Variants in SH3PXD2A observed in about 807,000 individuals in gnomAD.
SH3PXD2A encodes SH3 and PX domains 2A.
Under a neutral mutation model 115.2 loss-of-function variants are expected in SH3PXD2A, and 32 were observed. That is an observed-to-expected ratio of 0.28 (90% CI 0.21 to 0.37). The LOEUF is 0.37. SH3PXD2A is among the 10% of genes least tolerant of loss of function. SH3PXD2A has a pLI of 1.00. For missense variants in SH3PXD2A, 1,328 were observed against 1,498.7 expected (o/e 0.89, Z 1.88); for synonymous variants, 610 against 629.1 (o/e 0.97, Z 0.45).
chr10:103,823,658 A>G (rs1021104208), intron 1 of SH3PXD2A, among the ~76,000 whole-genome samples: 7 of 152,184 alleles, frequency 4.6e-5, no homozygotes, highest in Admixed American at 3.9e-4. Flanking sequence ...CACAGCTGGG[A>G]TGTATTAACA....
chr10:103,801,340 CA>C lies in SH3PXD2A; in HGVS notation c.94del (p.Trp32GlyfsTer58). Reference sequence around the variant, plus strand: ...GATAGTCTGGGAGGTGGAGTCAGACCAGGTCACATTGATTATGTATACCTGT... The same window carrying C: ...GATAGTCTGGGAGGTGGAGTCAGACCGGTCACATTGATTATGTATACCTGT... ...KHYVYIINVT[W>X]SDSTSQTIYR... is the part of the protein sequence containing the mutation. On this transcript the variant is annotated frameshift_variant, in exon 2 of 15. Transcript: ENST00000369774. LOFTEE classifies it high-confidence loss of function. 6.2e-7 allele frequency: 1 copy of C among 1,610,798 alleles called. No individual in the cohort carries two copies. The highest frequency in any genetic ancestry group is 8.5e-7 in the Non-Finnish European group (1 of 1,177,030).
At chr10:103,797,721 G>GGTGGGGAGT (rs2039106070) in intron 2 of SH3PXD2A, among the ~76,000 whole-genome samples, 1 of 151,432 alleles carries the variant, frequency 6.6e-6, no homozygotes, top group Non-Finnish European at 1.5e-5. Context: ...TCTGGGAGGG[G>GGTGGGGAGT]GTGGGGAGTG....
At chr10:103,846,230 G>A (rs980423871) in intron 1 of SH3PXD2A, among the ~76,000 whole-genome samples, 6 of 152,240 alleles carry the variant, frequency 3.9e-5, no homozygotes, top group African/African-American at 1.2e-4. Context: ...CCAGTGGAGT[G>A]GCAGAAACCA....
Position 103,665,480 on chromosome 10 carries a change from G to C in SH3PXD2A, c.472+3128C>G, listed in dbSNP as rs2037372255. Among the ~76,000 whole-genome samples, 2 of 152,202 alleles carry C rather than the reference G, an allele frequency of 1.3e-5. No individual in the cohort carries two copies. Among genetic ancestry groups the C allele is most frequent in the African/African-American group, 4.8e-5 (2 of 41,440 alleles). On this transcript the variant is annotated intron_variant, in intron 7 of 14. Transcript: ENST00000369774. The surrounding 1 kb of genome is among the most constrained non-coding windows in gnomAD (Gnocchi z 4.0). ...TCTAGGCATTGGAAAGCACAGACAG[G>C]CTATGGCCTCTCTCAGGAGCTGCTC... is the stretch of plus-strand genomic sequence containing the variant.
At chr10:103,744,776 G>A (rs1203187988) in intron 3 of SH3PXD2A, among the ~76,000 whole-genome samples, 2 of 152,220 alleles carry the variant, frequency 1.3e-5, no homozygotes, top group Admixed American at 1.3e-4. Flanking sequence ...GCGAAGGTCA[G>A]CAGCCTGAGG....
intron 8 of SH3PXD2A, among the ~76,000 whole-genome samples, chr10:103,652,924 C>T (rs1383194402): frequency 2.6e-5 from 4 of 152,152 alleles, no homozygotes; most frequent in Admixed American, 6.5e-5. Context: ...CTCCTTGGCC[C>T]GGCACCCGTC....
chr10:103,653,269 C>A (rs1465064879), intron 8 of SH3PXD2A, among the ~76,000 whole-genome samples: 3 of 152,224 alleles, frequency 2.0e-5, no homozygotes, highest in African/African-American at 4.8e-5. Flanking sequence ...GACCGACCAG[C>A]CATCGGAAGA....
At chr10:103,643,495 G>GA (rs1308074053) in intron 8 of SH3PXD2A, among the ~76,000 whole-genome samples, 1 of 152,160 alleles carries the variant, frequency 6.6e-6, no homozygotes, top group East Asian at 1.9e-4. Flanking sequence ...GGAGATTCCG[G>GA]AAAAACACAT....
At chr10:103,653,847 G>A (rs1170266954) in intron 8 of SH3PXD2A, among the ~76,000 whole-genome samples, 2 of 152,104 alleles carry the variant, frequency 1.3e-5, no homozygotes, top group East Asian at 1.9e-4. Context: ...ACAGCCCGGA[G>A]GGCTTGCCTC....
chr10:103,714,983 C>T (rs1167692385), intron 5 of SH3PXD2A, among the ~76,000 whole-genome samples: 1 of 152,168 alleles, frequency 6.6e-6, no homozygotes, highest in Non-Finnish European at 1.5e-5. Flanking sequence ...CAGCCTCGCT[C>T]CACAGGCAGC....
chr10:103,727,047 A>T (rs866951074), intron 4 of SH3PXD2A, among the ~76,000 whole-genome samples: 1 of 152,174 alleles, frequency 6.6e-6, no homozygotes, highest in South Asian at 2.1e-4. Flanking sequence ...TCCACCAAAC[A>T]GTGAGGGCTT....
In SH3PXD2A at chr10:103,598,034, T is replaced by G. The variant is rs1249512010; in HGVS notation, c.*3782A>C. The stretch of plus-strand genomic sequence containing the variant: ...TTTTTTCCTTAGATGATAAAAGTAG[T>G]AACATGCCTTGCTGAGGAAAGCAAT... On this transcript the variant is annotated 3_prime_UTR_variant, in exon 15 of 15. Coordinates refer to ENST00000369774, the MANE Select transcript of SH3PXD2A (RefSeq NM_001394015.1). The G allele has an allele frequency of 6.6e-6, 1 of 152,642 alleles. No homozygotes were observed. Among genetic ancestry groups the G allele is most frequent in the East Asian group, 1.9e-4 (1 of 5,204 alleles). 9.5% of individuals were successfully genotyped at this position (152,642 alleles called of 1,614,324 possible).
At chr10:103,679,441 T>C (rs2037581617) in intron 6 of SH3PXD2A, among the ~76,000 whole-genome samples, 1 of 152,174 alleles carries the variant, frequency 6.6e-6, no homozygotes, top group South Asian at 2.1e-4. Context: ...TCCTATCCAC[T>C]AGCCTTCAAG....
intron 8 of SH3PXD2A, among the ~76,000 whole-genome samples, chr10:103,657,155 A>G (rs1471369356): frequency 1.3e-5 from 2 of 152,128 alleles, no homozygotes; most frequent in East Asian, 3.8e-4. Context: ...ATGGAAGTAT[A>G]AGAACTCCCA....
At chr10:103,764,205 C>T (rs146683027) in intron 3 of SH3PXD2A, among the ~76,000 whole-genome samples, 3,512 of 152,212 alleles carry the variant, frequency 0.023, 59 homozygotes, top group Non-Finnish European at 0.036. Flanking sequence ...GATTGTGTTG[C>T]GTTATTTTTC....
At chr10:103,643,221 G>A (rs1241576485) in intron 8 of SH3PXD2A, among the ~76,000 whole-genome samples, 2 of 152,080 alleles carry the variant, frequency 1.3e-5, no homozygotes, top group African/African-American at 4.8e-5. Context: ...TGGAATTTGG[G>A]AGCCACTGGT....
chr10:103,607,627 G>A (rs1256676502), intron 13 of SH3PXD2A, among the ~76,000 whole-genome samples: 2 of 152,144 alleles, frequency 1.3e-5, no homozygotes, highest in Non-Finnish European at 2.9e-5. Flanking sequence ...CCCTCTGCCC[G>A]GCCACCACCC....
chr10:103,722,082 C>T (rs2134169797), intron 5 of SH3PXD2A, among the ~76,000 whole-genome samples: 1 of 151,842 alleles, frequency 6.6e-6, no homozygotes, highest in South Asian at 2.1e-4. Flanking sequence ...GCGGGTGGAT[C>T]CACTTGAACT....
At chr10:103,615,273 G>C (rs763363278) in intron 11 of SH3PXD2A, among the ~76,000 whole-genome samples, 2 of 152,198 alleles carry the variant, frequency 1.3e-5, no homozygotes, top group Non-Finnish European at 2.9e-5. Flanking sequence ...TGGAGGTGAC[G>C]GTCAGGCCTG....
Sources: allele counts gnomAD v4.1 joint callset (sites outside exome capture counted in the v4.1 genomes callset), GRCh38; gene constraint gnomAD v4.1.1; non-coding constraint Gnocchi (gnomAD v3.1); transcripts MANE v1.5; gene names NCBI Gene and HGNC (gene_info 2026-07-23, HGNC 2026-07-21).